TAFA1: variants seen among roughly 807,000 people sequenced by gnomAD.
TAFA1 encodes chemokine-like protein TAFA-1.
Under a neutral mutation model 18.5 loss-of-function variants are expected in TAFA1, and 4 were observed. The observed-to-expected ratio is 0.22, with a 90% CI of 0.11 to 0.49. TAFA1 has a LOEUF of 0.49. TAFA1 is among the 20% of genes least tolerant of loss of function. The probability of loss-of-function intolerance (pLI) is 0.98; values close to 1 mark genes in which losing one functional copy is unlikely to be tolerated. For missense variants in TAFA1, 147 were observed against 169.0 expected (o/e 0.87, Z 0.72); for synonymous variants, 56 against 55.2 (o/e 1.01, Z -0.06).
At chr3:68,392,921 A>G (rs1346938890) in intron 2 of TAFA1, among the ~76,000 whole-genome samples, 1 of 152,214 alleles carries the variant, frequency 6.6e-6, no homozygotes, top group African/African-American at 2.4e-5. Context: ...TCTAAAATCA[A>G]CACCCTAACG....
intron 2 of TAFA1, among the ~76,000 whole-genome samples, chr3:68,051,828 A>G (rs983133173): frequency 2.0e-5 from 3 of 152,234 alleles, no homozygotes; most frequent in Non-Finnish European, 4.4e-5. Flanking sequence ...TAAAAAATAC[A>G]CCAGGTAGCT....
At chr3:68,147,006 T>A (rs2106913400) in intron 2 of TAFA1, among the ~76,000 whole-genome samples, 1 of 149,326 alleles carries the variant, frequency 6.7e-6, no homozygotes, top group African/African-American at 2.5e-5. Flanking sequence ...ACCTCTTGTG[T>A]GTGTATATAT....
intron 3 of TAFA1, among the ~76,000 whole-genome samples, chr3:68,492,014 C>T (rs981804994): frequency 6.6e-6 from 1 of 152,122 alleles, no homozygotes; most frequent in Non-Finnish European, 1.5e-5. Context: ...AATATGCCCT[C>T]GATTTATGTG....
chr3:68,311,356 C>G (rs867547297), intron 2 of TAFA1, among the ~76,000 whole-genome samples: 2 of 152,086 alleles, frequency 1.3e-5, no homozygotes, highest in South Asian at 4.1e-4. Flanking sequence ...AGTGTCAATT[C>G]ATTTCAGCAT....
At chr3:68,171,624 T>A (rs535925517) in intron 2 of TAFA1, among the ~76,000 whole-genome samples, 2 of 152,160 alleles carry the variant, frequency 1.3e-5, no homozygotes, top group African/African-American at 4.8e-5. Flanking sequence ...AAGATGTATG[T>A]TGGACTTACT....
At chr3:68,107,616 C>T (rs1179162944) in intron 2 of TAFA1, among the ~76,000 whole-genome samples, 2 of 152,074 alleles carry the variant, frequency 1.3e-5, no homozygotes, top group Non-Finnish European at 2.9e-5. Flanking sequence ...CTGAAAGGTA[C>T]TTCTGAACTG....
chr3:68,032,209 T>C (rs576432677), intron 2 of TAFA1, among the ~76,000 whole-genome samples: 1 of 152,314 alleles, frequency 6.6e-6, no homozygotes, highest in Admixed American at 6.5e-5. Context: ...TTTTGGTTTT[T>C]TCAAACAATG....
chr3:68,517,054 G>A (rs191559413), intron 3 of TAFA1, among the ~76,000 whole-genome samples: 2 of 152,232 alleles, frequency 1.3e-5, no homozygotes, highest in East Asian at 1.9e-4. Flanking sequence ...GATTACAGAC[G>A]TGAGCCACCG....
In TAFA1 at chr3:68,198,475, T is replaced by A. The variant is rs147916743; in HGVS notation, c.118+191731T>A. Among the ~76,000 whole-genome samples, 402 of 151,766 alleles carry A rather than the reference T, an allele frequency of 2.6e-3. 2 individuals are homozygous for A. Among genetic ancestry groups the A allele is most frequent in the African/African-American group, 9.4e-3 (390 of 41,492 alleles). The stretch of plus-strand genomic sequence containing the variant: ...AGTCTTCAAAAGTGTCTGTAATATT[T>A]TGCATTCCCACCAGCAATGGTTAAG... On this transcript the variant is annotated intron_variant, in intron 2 of 4. Coordinates refer to ENST00000478136, the MANE Select transcript of TAFA1 (RefSeq NM_213609.4).
intron 2 of TAFA1, among the ~76,000 whole-genome samples, chr3:68,364,675 T>C (rs1162200618): frequency 6.6e-6 from 1 of 152,226 alleles, no homozygotes; most frequent in Non-Finnish European, 1.5e-5. Flanking sequence ...TCTTCAATTC[T>C]GTTTTTTCAT....
At chr3:68,358,031 G>A (rs958611448) in intron 2 of TAFA1, among the ~76,000 whole-genome samples, 3 of 151,826 alleles carry the variant, frequency 2.0e-5, no homozygotes, top group African/African-American at 7.3e-5. Flanking sequence ...TCATTAAATG[G>A]ATTATCAGCA....
chr3:68,102,852 G>A (rs938425656), intron 2 of TAFA1, among the ~76,000 whole-genome samples: 4 of 152,142 alleles, frequency 2.6e-5, no homozygotes, highest in South Asian at 2.1e-4. Context: ...CTTTCTTATG[G>A]TTGTGCTCCT....
chr3:68,236,557 G>A (rs1468030674), intron 2 of TAFA1, among the ~76,000 whole-genome samples: 5 of 152,190 alleles, frequency 3.3e-5, no homozygotes, highest in Non-Finnish European at 4.4e-5. Context: ...GGAGACAGAC[G>A]TTCGCTAACC....
At chr3:68,018,948 C>T (rs1559704234) in intron 2 of TAFA1, among the ~76,000 whole-genome samples, 1 of 152,228 alleles carries the variant, frequency 6.6e-6, no homozygotes, top group South Asian at 2.1e-4. Flanking sequence ...CAAAACCCTA[C>T]GTAGATGGTA....
chr3:67,992,731 A>G, the TAFA1 span, among the ~76,000 whole-genome samples: 11 of 152,186 alleles, frequency 7.2e-5, no homozygotes, highest in Non-Finnish European at 2.9e-5. Context: ...TTTAGACTCT[A>G]TTCTTATCCT....
intron 2 of TAFA1, among the ~76,000 whole-genome samples, chr3:68,161,270 C>G (rs2106939984): frequency 6.6e-6 from 1 of 152,264 alleles, no homozygotes; most frequent in African/African-American, 2.4e-5. Flanking sequence ...TGTACTTAAT[C>G]CTAAATTTTC....
At chr3:68,087,413 C>A in intron 2 of TAFA1, among the ~76,000 whole-genome samples, 1 of 152,180 alleles carries the variant, frequency 6.6e-6, no homozygotes, top group Admixed American at 6.5e-5. Flanking sequence ...ACAAGTAATA[C>A]ATTTTATTAA....
At chr3:68,463,945 A>G (rs1283568119) in intron 3 of TAFA1, among the ~76,000 whole-genome samples, 1 of 152,192 alleles carries the variant, frequency 6.6e-6, no homozygotes, top group Non-Finnish European at 1.5e-5. Flanking sequence ...ATGGATTAAA[A>G]TCTACTCATT....
At chr3:68,040,678 T>A (rs1705144795) in intron 2 of TAFA1, among the ~76,000 whole-genome samples, 1 of 152,126 alleles carries the variant, frequency 6.6e-6, no homozygotes, top group Non-Finnish European at 1.5e-5. Flanking sequence ...AGTTGCACAT[T>A]CCTGATTCCT....
Sources: gnomAD v4.1 joint callset for allele counts (sites outside exome capture counted in the v4.1 genomes callset) on GRCh38, gnomAD v4.1.1 for gene constraint, MANE v1.5 for transcripts, NCBI Gene and HGNC (gene_info 2026-07-23, HGNC 2026-07-21) for gene names.